JADE3: variants seen among roughly 807,000 people sequenced by gnomAD.
JADE3 encodes jade family PHD finger 3, also known as protein Jade-3.
In JADE3, 2 loss-of-function variants were observed where a neutral mutation model predicts 50.1. The observed-to-expected ratio is 0.04, with a 90% CI of 0.02 to 0.13. The LOEUF (loss-of-function observed/expected upper bound fraction) is 0.13, where lower values mean the gene tolerates loss of function less well. Among genes scored for constraint, JADE3 ranks in the 10% least tolerant of loss-of-function variants. JADE3 has a pLI of 1.00. For missense variants in JADE3, 475 were observed against 634.4 expected (o/e 0.75, Z 2.70); for synonymous variants, 218 against 232.9 (o/e 0.94, Z 0.58).
At position 46,925,547 on chromosome X, in the gene JADE3, C is replaced by T. The variant is rs141394116; in HGVS notation, c.-12+12828C>T. 9.6e-3 allele frequency among the ~76,000 whole-genome samples: 1,077 copies of T among 111,766 alleles called. 8 individuals carry two copies. Among genetic ancestry groups the T allele is most frequent in the East Asian group, 0.026 (92 of 3,555 alleles). On this transcript the variant is annotated intron_variant, in intron 1 of 10. Coordinates refer to ENST00000614628, the MANE Select transcript of JADE3 (RefSeq NM_014735.5). ...CCAAAAAGATGACCTATTGGCTGGG[C>T]GCAGTGGCTCACGCCTGTCATCCCA...
chrX:47,031,221 C>T (rs1422936446), intron 6 of JADE3, among the ~76,000 whole-genome samples: 1 of 111,513 alleles, frequency 9.0e-6, no homozygotes. Context: ...GACCTCTCTT[C>T]TGCCAGTCTG....
chrX:47,034,996 T>G (rs1242966490), intron 7 of JADE3, among the ~76,000 whole-genome samples: 2 of 111,246 alleles, frequency 1.8e-5, no homozygotes, highest in Non-Finnish European at 3.8e-5. Flanking sequence ...ATTCAATTTT[T>G]TATCATTATC....
chrX:47,011,297 TC>T (rs781883108), intron 4 of JADE3, among the ~76,000 whole-genome samples: 2 of 112,502 alleles, frequency 1.8e-5, no homozygotes, highest in African/African-American at 3.2e-5. Flanking sequence ...TGGAAGTTCA[TC>T]CGTGTTATAT....
intron 3 of JADE3, among the ~76,000 whole-genome samples, chrX:46,987,029 A>G (rs1309600818): frequency 1.8e-5 from 2 of 112,188 alleles, no homozygotes; most frequent in African/African-American, 3.2e-5. Context: ...TTCTTTGTTC[A>G]GGATCTTTCA....
Position 47,030,811 on chromosome X carries a change from G to A in JADE3, c.687+2708G>A, listed in dbSNP as rs782338372. Reference sequence around the variant, plus strand: ...TCACGCCTGTAATCCCAGCACTTTGGGAGGCCGAGGCGGGTGGATCACGAG... The same window carrying A: ...TCACGCCTGTAATCCCAGCACTTTGAGAGGCCGAGGCGGGTGGATCACGAG... On this transcript the variant is annotated intron_variant, in intron 6 of 10. Transcript: ENST00000614628. Among the ~76,000 whole-genome samples the A allele has an allele frequency of 2.7e-5, 3 of 111,700 alleles. No homozygotes were observed. The South Asian group carries it at 1.1e-3, about 42-fold the overall frequency.
intron 1 of JADE3, among the ~76,000 whole-genome samples, chrX:46,965,963 C>T (rs150849752): frequency 1.7e-3 from 191 of 112,091 alleles, no homozygotes; most frequent in African/African-American, 5.7e-3. Flanking sequence ...TTGGGGACAA[C>T]AAGATTAGGA....
At chrX:46,997,859 A>G (rs1222502210) in intron 3 of JADE3, among the ~76,000 whole-genome samples, 3 of 112,323 alleles carry the variant, frequency 2.7e-5, no homozygotes, top group East Asian at 2.8e-4. Context: ...AGTAACCTGT[A>G]TTGTTGGTTT....
intron 3 of JADE3, among the ~76,000 whole-genome samples, chrX:46,988,684 A>G (rs782137577): frequency 2.0e-4 from 22 of 111,503 alleles, no homozygotes; most frequent in Non-Finnish European, 3.6e-4. Context: ...AAAAGAAGAA[A>G]AGTAAAAGTT....
intron 1 of JADE3, among the ~76,000 whole-genome samples, chrX:46,948,704 AG>A (rs782162283): frequency 1.8e-5 from 2 of 111,574 alleles, no homozygotes; most frequent in South Asian, 7.5e-4. Context: ...ACAAGTCATA[AG>A]GGTACAACGC....
chrX:46,939,075 C>G (rs1926697407), intron 1 of JADE3, among the ~76,000 whole-genome samples: 1 of 112,286 alleles, frequency 8.9e-6, no homozygotes, highest in Admixed American at 9.4e-5. Context: ...GATCCACTCA[C>G]CTTGGCCTCC....
chrX:46,985,818 A>G (rs1556354408), intron 3 of JADE3, 26 bp downstream of exon 3: 7 of 1,041,130 alleles, frequency 6.7e-6, no homozygotes, highest in Non-Finnish European at 9.4e-6. Flanking sequence ...CAATTTTTAG[A>G]CTTAAGCTAT....
chrX:47,031,353 G>A (rs1004210856), intron 6 of JADE3, among the ~76,000 whole-genome samples: 2 of 111,216 alleles, frequency 1.8e-5, no homozygotes, highest in East Asian at 5.6e-4. Context: ...TGTGAGAGGA[G>A]CCTACCTAGA....
At position 46,949,871 on chromosome X, in the gene JADE3, A is replaced by C. The variant is rs782730586; in HGVS notation, c.-11-35013A>C. Among the ~76,000 whole-genome samples, 5 of 111,720 alleles carry C rather than the reference A, an allele frequency of 4.5e-5. No individual in the cohort carries two copies. In the East Asian group the frequency reaches 1.4e-3, roughly 31 times the overall value. On this transcript the variant is annotated intron_variant, in intron 1 of 10. Transcript: ENST00000614628. ...ATTTTTGGTTTATTTTCCTCAATAT[A>C]ATGTTTCTGAGATTCATCCATGATG...
chrX:46,928,560 T>G (rs944835253), intron 1 of JADE3, among the ~76,000 whole-genome samples: 14 of 111,974 alleles, frequency 1.3e-4, no homozygotes, highest in African/African-American at 4.5e-4. Flanking sequence ...AAAAAAAAAT[T>G]ACATGTAACA....
At chrX:46,968,329 G>A (rs1927409559) in intron 1 of JADE3, among the ~76,000 whole-genome samples, 1 of 111,804 alleles carries the variant, frequency 8.9e-6, no homozygotes, top group Non-Finnish European at 1.9e-5. Flanking sequence ...ATAGTGCAGA[G>A]AGCAAACTTC....
chrX:46,975,737 T>G (rs10429809), intron 1 of JADE3, among the ~76,000 whole-genome samples: 19 of 93,044 alleles, frequency 2.0e-4, no homozygotes, highest in Admixed American at 8.3e-4. Context: ...TTTTTTTTTT[T>G]GGGACAGAGT....
chrX:46,966,306 T>G (rs1259800725), intron 1 of JADE3, among the ~76,000 whole-genome samples: 1 of 111,982 alleles, frequency 8.9e-6, no homozygotes, highest in East Asian at 2.8e-4. Context: ...GACTTTTTTC[T>G]TTTTGTTGAT....
At chrX:47,042,756 C>T (rs952142672) in intron 8 of JADE3, among the ~76,000 whole-genome samples, 1 of 111,373 alleles carries the variant, frequency 9.0e-6, no homozygotes, top group South Asian at 3.8e-4. Flanking sequence ...TCTCTGGACC[C>T]ACCCAAGGCC....
chrX:47,045,128 A>C (rs1384124299), intron 8 of JADE3, among the ~76,000 whole-genome samples: 2 of 111,911 alleles, frequency 1.8e-5, no homozygotes, highest in East Asian at 5.6e-4. Context: ...CAAAAGACAC[A>C]GAGTGGCTGA....
Sources: allele counts gnomAD v4.1 joint callset (sites outside exome capture counted in the v4.1 genomes callset), GRCh38; gene constraint gnomAD v4.1.1; transcripts MANE v1.5; gene names NCBI Gene and HGNC (gene_info 2026-07-23, HGNC 2026-07-21).